Variants in ITGAL observed in about 807,000 individuals in gnomAD.
The protein encoded by ITGAL is integrin subunit alpha L, also known as integrin alpha-L.
Under a neutral mutation model 138.4 loss-of-function variants are expected in ITGAL, and 68 were observed. That is an observed-to-expected ratio of 0.49 (90% CI 0.40 to 0.60). ITGAL has a LOEUF of 0.60. Ranked by LOEUF, ITGAL falls within the 20% of genes least tolerant of loss-of-function variation. ITGAL has a pLI of 0.00. For synonymous variants in ITGAL, 561 were observed against 584.3 expected, an observed-to-expected ratio of 0.96 and a Z score of 0.57; for missense variants, 1,256 against 1,478.6, an observed-to-expected ratio of 0.85 and a Z score of 2.47.
chr16:30,495,962 C>A, intron 13 of ITGAL, 135 bp from the exon 14 acceptor site: 2 of 721,202 alleles, frequency 2.8e-6, no homozygotes, highest in Non-Finnish European at 4.8e-6. Context: ...GGTGCTTGAA[C>A]CCTGGTTAGT....
At chr16:30,508,491 G>A (rs2051039985) in intron 21 of ITGAL, among the ~76,000 whole-genome samples, 1 of 152,172 alleles carries the variant, frequency 6.6e-6, no homozygotes, top group Non-Finnish European at 1.5e-5. Context: ...GGGATTACAG[G>A]CGTGAGCCAC....
chr16:30,474,012 A>G (rs2050429684), intron 1 of ITGAL, 184 bp from the exon 2 acceptor site: 3 of 693,386 alleles, frequency 4.3e-6, no homozygotes, highest in Non-Finnish European at 7.9e-6. Flanking sequence ...AAGAGCTTTC[A>G]GAGCTCTAGG....
In ITGAL at chr16:30,499,390, C is replaced by A. The variant is rs2050851401; in HGVS notation, c.2046C>A (p.Thr682=). ...TYTLQLDGHR[T]RRRGLFPGGR... is the part of the protein sequence containing the mutation. ...CTCTGCAGCTGGATGGCCACCGGAC[C>A]AGAAGACGGGGGTTGTTCCCAGGAG... Residue 682 remains threonine (T), a synonymous_variant, in exon 17 of 31, where the codon ACC becomes ACA. Coordinates refer to ENST00000356798, the MANE Select transcript of ITGAL (RefSeq NM_002209.3). The A allele has an allele frequency of 6.2e-7, 1 of 1,613,960 alleles. No individual in the cohort carries two copies.
chr16:30,475,886 G>C (rs1053392655), intron 4 of ITGAL, among the ~76,000 whole-genome samples: 1 of 151,452 alleles, frequency 6.6e-6, no homozygotes, highest in Non-Finnish European at 1.5e-5. Flanking sequence ...CAATTAGCTG[G>C]GACTATAGGC....
intron 20 of ITGAL, among the ~76,000 whole-genome samples, 155 bp downstream of exon 20, chr16:30,505,617 C>T (rs181916151): frequency 3.9e-4 from 59 of 152,286 alleles, no homozygotes; most frequent in Admixed American, 2.9e-3. Flanking sequence ...GGGGCTCATG[C>T]CTATAATCCC....
rs2050684813 is a variant in ITGAL, at chr16:30,488,922, A to G, written c.1007-160A>G. On this transcript the variant is annotated intron_variant, in intron 9 of 30. Transcript: ENST00000356798. ...TCTGGGACTCCCAGGGTAAAAGCCA[A>G]CTCCGCATTAAGCCACTTCCTGGGT... 8 of 646,406 alleles carry G rather than the reference A, an allele frequency of 1.2e-5. No individual in the cohort carries two copies. In the South Asian group the frequency reaches 1.4e-4, roughly 11 times the overall value. The allele number at this position is 646,406 out of a possible 1,614,324, so 40.0% of individuals were successfully genotyped here. A position where few individuals can be genotyped will look rare whatever the true frequency, so the allele number is the denominator to read the frequency against.
intron 9 of ITGAL, among the ~76,000 whole-genome samples, chr16:30,488,292 T>G (rs1271688738): frequency 2.0e-5 from 3 of 151,894 alleles, no homozygotes; most frequent in Admixed American, 2.0e-4. Context: ...AGACTCCAGG[T>G]GGATTTGGTT....
rs757400430 is a variant in ITGAL at position 30,479,176 on chromosome 16, G to T, written c.413G>T (p.Gly138Val). The change falls in exon 5 of 31, where the codon GGT becomes GTT. Residue 138 changes from glycine to valine, a missense_variant. Coordinates refer to ENST00000356798, the MANE Select transcript of ITGAL (RefSeq NM_002209.3). Reference sequence around the variant, plus strand: ...TACCTCTTCCGCCAGAATCTGCAGGGTCCCATGCTGCAGGGGCGCCCTGGT... The same window carrying T: ...TACCTCTTCCGCCAGAATCTGCAGGTTCCCATGCTGCAGGGGCGCCCTGGT... Reference protein sequence around the residue: ...LCYLFRQNLQGPMLQGRPGFQ... With the variant: ...LCYLFRQNLQVPMLQGRPGFQ... 1.2e-6 allele frequency: 2 copies of T among 1,613,954 alleles called. No homozygotes were observed. The highest frequency in any genetic ancestry group is 1.7e-6 in the Non-Finnish European group (2 of 1,180,002).
chr16:30,500,213 G>A (rs1457652422), intron 17 of ITGAL, among the ~76,000 whole-genome samples: 1 of 151,542 alleles, frequency 6.6e-6, no homozygotes, highest in Non-Finnish European at 1.5e-5. Flanking sequence ...AGCCTCCCGA[G>A]TAGCTGGGAT....
chr16:30,485,660 T>TCCCA (rs892801119), intron 9 of ITGAL, among the ~76,000 whole-genome samples: 4 of 151,074 alleles, frequency 2.6e-5, no homozygotes. Flanking sequence ...TACAGGTGTG[T>TCCCA]GATACCACAC....
intron 11 of ITGAL, among the ~76,000 whole-genome samples, chr16:30,493,310 C>T (rs139053518): frequency 0.03 from 3,289 of 109,644 alleles, 51 homozygotes; most frequent in Non-Finnish European, 0.044. Context: ...GACGGAGTCT[C>T]GCTCTGTCGC....
At chr16:30,478,170 C>T (rs2050498586) in intron 4 of ITGAL, among the ~76,000 whole-genome samples, 1 of 150,526 alleles carries the variant, frequency 6.6e-6, no homozygotes, top group Non-Finnish European at 1.5e-5. Context: ...CCCGTCTCTA[C>T]TAAAAGTACA....
intron 21 of ITGAL, 32 bp downstream of exon 21, chr16:30,506,888 A>T: frequency 6.2e-7 from 1 of 1,611,864 alleles, no homozygotes. Flanking sequence ...GCCTGCGGGC[A>T]TCTGTTCGGC....
chr16:30,521,636 G>C lies in ITGAL; in HGVS notation c.3484G>C (p.Asp1162His). The change falls in exon 31 of 31, where the codon GAC becomes CAC. Residue 1162 changes from aspartate (D) to histidine (H), a missense_variant. By Grantham distance (81) the Asp-to-His change is moderately conservative (BLOSUM62 -1). Around this residue, in one of 3 missense-constraint regions of ITGAL, gnomAD observed 867 missense variants for 972.5 expected, o/e 0.89. Coordinates refer to ENST00000356798, the MANE Select transcript of ITGAL (RefSeq NM_002209.3). ...CTGCCTGAAGCCCCTCCATGAGAAG[G>C]ACTCTGAGAGTGGTGGTGGCAAGGA... Reference protein sequence around the residue: ...PGCLKPLHEKDSESGGGKD With the variant: ...PGCLKPLHEKHSESGGGKD 6.2e-7 allele frequency: 1 copy of C among 1,614,106 alleles called. No individual in the cohort carries two copies. Among genetic ancestry groups the C allele is most frequent in the Middle Eastern group, 1.7e-4 (1 of 5,990 alleles).
chr16:30,505,287 C>G lies in ITGAL; in HGVS notation c.2279C>G (p.Ser760Trp). Reference sequence around the variant, plus strand: ...CCCATCCTGAGACCCTCCCTGCACTCGGAAACCTGGGAGGTAAGAGGGGAG... The same window carrying G: ...CCCATCCTGAGACCCTCCCTGCACTGGGAAACCTGGGAGGTAAGAGGGGAG... ...IPPILRPSLH[S>W]ETWEIPFEKN... Residue 760 changes from serine to tryptophan, a missense_variant, in exon 19 of 31, where the codon TCG becomes TGG. Transcript: ENST00000356798. 6.2e-7 allele frequency: 1 copy of G among 1,612,660 alleles called. No homozygotes were observed. Among genetic ancestry groups the G allele is most frequent in the Non-Finnish European group, 8.5e-7 (1 of 1,179,356 alleles).
intron 20 of ITGAL, among the ~76,000 whole-genome samples, chr16:30,505,668 G>A (rs368175616): frequency 6.6e-5 from 10 of 152,046 alleles, no homozygotes; most frequent in African/African-American, 2.4e-4. Flanking sequence ...GATTCGTTAA[G>A]GCCAAGAGTT....
chr16:30,517,773 C>T (rs747964445), intron 27 of ITGAL, 24 bp from the exon 28 acceptor site: 5 of 1,613,594 alleles, frequency 3.1e-6, no homozygotes, highest in South Asian at 1.1e-5. Flanking sequence ...GCCGCCCTGA[C>T]CCCGCTTTCC....
intron 9 of ITGAL, among the ~76,000 whole-genome samples, chr16:30,484,921 C>T (rs1349259489): frequency 6.6e-6 from 1 of 151,070 alleles, no homozygotes; most frequent in Non-Finnish European, 1.5e-5. Flanking sequence ...CAGTCTCAAA[C>T]AAAACAAAAC....
intron 30 of ITGAL, 71 bp from the exon 31 acceptor site, chr16:30,521,421 T>A: frequency 5.2e-6 from 7 of 1,351,130 alleles, no homozygotes; most frequent in African/African-American, 1.5e-5. Flanking sequence ...AAAAAAAAAG[T>A]GTTCTCACAT....
Sources: allele counts gnomAD v4.1 joint callset (sites outside exome capture counted in the v4.1 genomes callset), GRCh38; gene constraint gnomAD v4.1.1; regional missense constraint gnomAD v4.1.1; transcripts MANE v1.5; gene names NCBI Gene and HGNC (gene_info 2026-07-23, HGNC 2026-07-21).